Variants in HEATR3 observed in about 807,000 individuals in gnomAD.
The protein encoded by HEATR3 is HEAT repeat-containing protein 3.
Under a neutral mutation model 72.8 loss-of-function variants are expected in HEATR3, and 56 were observed. The observed-to-expected ratio is 0.77, with a 90% CI of 0.62 to 0.96. The LOEUF is 0.96. HEATR3 is among the 40% of genes least tolerant of loss of function. The probability of loss-of-function intolerance (pLI) is 0.00; values close to 1 mark genes in which losing one functional copy is unlikely to be tolerated. For synonymous variants in HEATR3, 331 were observed against 318.1 expected, an observed-to-expected ratio of 1.04 and a Z score of -0.43; for missense variants, 747 against 831.4, an observed-to-expected ratio of 0.90 and a Z score of 1.25.
chr16:50,095,119 C>CTT (rs34657810), intron 12 of HEATR3, among the ~76,000 whole-genome samples: 6 of 143,520 alleles, frequency 4.2e-5, no homozygotes, highest in African/African-American at 1.5e-4. Flanking sequence ...TTTTTTAAAT[C>CTT]TTTTTTTTTT....
At chr16:50,068,681 G>A (rs1427225165) in intron 2 of HEATR3, 99 bp from the exon 3 acceptor site, 1 of 908,992 alleles carries the variant, frequency 1.1e-6, no homozygotes, top group Admixed American at 2.2e-5. Flanking sequence ...ATTTCCTCTG[G>A]GAAACCTTAA....
At chr16:50,066,655 C>T (rs1383421327) in intron 2 of HEATR3, 116 bp downstream of exon 2, 2 of 963,688 alleles carry the variant, frequency 2.1e-6, no homozygotes, top group South Asian at 8.9e-5. Context: ...CTGGCCCGGT[C>T]TCCCGTTTGC....
In HEATR3 at chr16:50,084,267, C is replaced by T. The variant is rs766971657; in HGVS notation, c.1266C>T (p.Leu422=). 3 of 1,614,030 alleles carry T rather than the reference C, an allele frequency of 1.9e-6. No homozygotes were observed. The highest frequency in any genetic ancestry group is 1.7e-5 in the Admixed American group (1 of 60,004). The part of the protein sequence containing the change: ...LCLSHEVHTA[L]TNYLIPKKIF... ...TCTCCCATGAAGTTCACACGGCTCTCACCAACTACCTCATCCCAAAGAAGG... is the reference window on the plus strand; with the variant it reads ...TCTCCCATGAAGTTCACACGGCTCTTACCAACTACCTCATCCCAAAGAAGG... The change falls in exon 9 of 15, where the codon CTC becomes CTT. Residue 422 remains leucine (L), a synonymous_variant. Coordinates refer to ENST00000299192, the MANE Select transcript of HEATR3 (RefSeq NM_182922.4).
chr16:50,068,745 G>A, intron 2 of HEATR3, 35 bp from the exon 3 acceptor site: 1 of 1,493,052 alleles, frequency 6.7e-7, no homozygotes, highest in East Asian at 2.3e-5. Flanking sequence ...GACATGTGAT[G>A]TGAAAGTAAA....
Position 50,078,910 on chromosome 16 carries a change from A to C in HEATR3, c.933A>C (p.Glu311Asp). The C allele has an allele frequency of 6.2e-7, 1 of 1,614,152 alleles. No individual in the cohort carries two copies. Among genetic ancestry groups the C allele is most frequent in the Non-Finnish European group, 8.5e-7 (1 of 1,180,008 alleles). The change falls in exon 7 of 15, where the codon GAA becomes GAC. Residue 311 changes from glutamate (E) to aspartate (D), a missense_variant. Glu to Asp is a conservative substitution (Grantham distance 45). Around this residue, in one of 2 missense-constraint regions of HEATR3, gnomAD observed 586 missense variants for 708.8 expected, o/e 0.83. Transcript: ENST00000299192. ...QRLKTAAEAE[E>D]ILENTNGDDL... ...TAAAAACTGCTGCAGAGGCTGAGGA[A>C]ATATTAGAGAACACTAATGGGGATG...
Position 50,107,229 on chromosome 16 carries a change from C to T in HEATR3, c.*2168C>T, listed in dbSNP as rs2037504510. ...AGGACCTAGTATATAGTCGACTCTT[C>T]ATAAATATTTGTTGAGTAAATAAAT... On this transcript the variant is annotated 3_prime_UTR_variant, in exon 15 of 15. Transcript: ENST00000299192. Among the ~76,000 whole-genome samples the T allele has an allele frequency of 6.6e-6, 1 of 152,162 alleles. No individual in the cohort carries two copies. Among genetic ancestry groups the T allele is most frequent in the South Asian group, 2.1e-4 (1 of 4,832 alleles).
chr16:50,066,394 G>A lies in HEATR3; in HGVS notation c.166G>A (p.Glu56Lys). The A allele has an allele frequency of 1.9e-6, 3 of 1,547,966 alleles. No individual in the cohort carries two copies. Among genetic ancestry groups the A allele is most frequent in the Admixed American group, 1.9e-5 (1 of 53,414 alleles). Reference sequence around the variant, plus strand: ...CCAGCACCCGAGCGCCGAGGTCCGCGAGTGCGCCTGCGCAGGGCTGGCCCG... The same window carrying A: ...CCAGCACCCGAGCGCCGAGGTCCGCAAGTGCGCCTGCGCAGGGCTGGCCCG... ...KLQHPSAEVR[E>K]CACAGLARLV... Residue 56 changes from glutamate to lysine, a missense_variant, in exon 2 of 15, where the codon GAG becomes AAG. This residue lies in a region of HEATR3 where 161 missense variants were observed against 122.6 expected (regional missense o/e 1.31). Transcript: ENST00000299192.
At chr16:50,066,309 G>C in intron 1 of HEATR3, 40 bp downstream of exon 1, 1 of 1,570,396 alleles carries the variant, frequency 6.4e-7, no homozygotes, top group African/African-American at 1.4e-5. Flanking sequence ...GCGAGACGAG[G>C]TTGCCCCGCG....
chr16:50,092,261 C>G (rs1454986748), intron 11 of HEATR3, among the ~76,000 whole-genome samples: 1 of 151,768 alleles, frequency 6.6e-6, no homozygotes, highest in Non-Finnish European at 1.5e-5. Flanking sequence ...TTGCTTGAGC[C>G]CGGGAGGTCC....
chr16:50,091,172 G>GA (rs1166537269), intron 11 of HEATR3, among the ~76,000 whole-genome samples: 1 of 146,472 alleles, frequency 6.8e-6, no homozygotes, highest in African/African-American at 2.5e-5. Context: ...TTAAAAATAA[G>GA]AAAAAAAATT....
rs753013758 is a variant in HEATR3 at position 50,100,406 on chromosome 16, A to G, written c.1743+33A>G. 30 of 1,595,112 alleles carry G rather than the reference A, an allele frequency of 1.9e-5. No individual in the cohort carries two copies. In the South Asian group the frequency reaches 3.2e-4, roughly 17 times the overall value. ...AATTTGCTTCTGACCTAACATGTTAAATAATTAGAAATGGGAGAAGAACTG... is the reference window on the plus strand; with the variant it reads ...AATTTGCTTCTGACCTAACATGTTAGATAATTAGAAATGGGAGAAGAACTG... On this transcript the variant is annotated intron_variant, in intron 13 of 14. Transcript: ENST00000299192.
chr16:50,089,083 C>T lies in HEATR3; in HGVS notation c.1510+2732C>T, dbSNP rs369469762. Among the ~76,000 whole-genome samples the T allele has an allele frequency of 1.0e-3, 159 of 152,322 alleles. 5 individuals carry two copies. The South Asian group carries it at 0.031, about 30-fold the overall frequency. Reference sequence around the variant, plus strand: ...TCACTGAGGCCAGCACATTTATTAACTGCAAAGATCACAGGAAAACTGCCC... The same window carrying T: ...TCACTGAGGCCAGCACATTTATTAATTGCAAAGATCACAGGAAAACTGCCC... On this transcript the variant is annotated intron_variant, in intron 11 of 14. Coordinates refer to ENST00000299192, the MANE Select transcript of HEATR3 (RefSeq NM_182922.4).
chr16:50,088,266 A>T (rs957136101), intron 11 of HEATR3, among the ~76,000 whole-genome samples: 2 of 152,234 alleles, frequency 1.3e-5, no homozygotes, highest in African/African-American at 4.8e-5. Context: ...GTTTAATGGT[A>T]CATGTTTTTT....
chr16:50,089,700 A>T (rs1184751914), intron 11 of HEATR3, among the ~76,000 whole-genome samples: 1 of 151,762 alleles, frequency 6.6e-6, no homozygotes, highest in African/African-American at 2.4e-5. Context: ...ATGGAGTCTT[A>T]CTCTGTTGCC....
chr16:50,105,103 A>G lies in HEATR3; in HGVS notation c.*42A>G, dbSNP rs147810368. 2.0e-5 allele frequency: 32 copies of G among 1,578,170 alleles called. No homozygotes were observed. The East Asian group carries it at 6.5e-4, about 32-fold the overall frequency. On this transcript the variant is annotated 3_prime_UTR_variant, in exon 15 of 15. Coordinates refer to ENST00000299192, the MANE Select transcript of HEATR3 (RefSeq NM_182922.4). ...ACCAGTTCTTCCCCCAAAGTATTCA[A>G]TGCTTAGAATACTAAAAGGTTTTCT... is the stretch of plus-strand genomic sequence containing the variant.
chr16:50,079,000 C>A lies in HEATR3; in HGVS notation c.1023C>A (p.Phe341Leu), dbSNP rs201353207. 6.2e-7 allele frequency: 1 copy of A among 1,611,704 alleles called. No homozygotes were observed. Among genetic ancestry groups the A allele is most frequent in the Non-Finnish European group, 8.5e-7 (1 of 1,178,976 alleles). Residue 341 changes from phenylalanine (F) to leucine (L), a missense_variant, in exon 7 of 15, where the codon TTC (phenylalanine) becomes TTA (leucine). By Grantham distance (22) the Phe-to-Leu change is conservative. Coordinates refer to ENST00000299192, the MANE Select transcript of HEATR3 (RefSeq NM_182922.4). ...AAAGAAGAGTCAGAAGGAAAACTTTCGTTTCAGATTTACTTCCGGTAAGTC... is the reference window on the plus strand; with the variant it reads ...AAAGAAGAGTCAGAAGGAAAACTTTAGTTTCAGATTTACTTCCGGTAAGTC... The part of the protein sequence containing the change: ...SHKRRVRRKT[F>L]VSDLLPPTDK...
At chr16:50,104,833 T>TA in intron 14 of HEATR3, 106 bp from the exon 15 acceptor site, 1 of 1,012,564 alleles carries the variant, frequency 9.9e-7, no homozygotes, top group African/African-American at 1.7e-5. Flanking sequence ...TTCTTACAGC[T>TA]ATCTGCTTCA....
At chr16:50,102,010 G>T (rs1046820255) in intron 13 of HEATR3, among the ~76,000 whole-genome samples, 1 of 152,064 alleles carries the variant, frequency 6.6e-6, no homozygotes, top group African/African-American at 2.4e-5. Flanking sequence ...AAAATTTAGT[G>T]ATTTCCAAAA....
intron 11 of HEATR3, among the ~76,000 whole-genome samples, chr16:50,090,359 A>G (rs77362203): frequency 6.7e-6 from 1 of 148,648 alleles, no homozygotes; most frequent in Non-Finnish European, 1.5e-5. Flanking sequence ...TATCTCAATT[A>G]AAAAAAAAAG....
Sources: gnomAD v4.1 joint callset for allele counts (sites outside exome capture counted in the v4.1 genomes callset) on GRCh38, gnomAD v4.1.1 for gene constraint, gnomAD v4.1.1 regional missense constraint, MANE v1.5 for transcripts, NCBI Gene and HGNC (gene_info 2026-07-23, HGNC 2026-07-21) for gene names.